The following UPB1 variants were observed in gnomAD, a reference collection of about 807,000 sequenced individuals.
UPB1 encodes beta-ureidopropionase 1, also known as beta-ureidopropionase.
A neutral mutation model predicts 49.1 loss-of-function variants in UPB1; 40 were observed. The ratio of observed to expected loss-of-function variants is 0.81; its 90% CI spans 0.63 to 1.06. The LOEUF is 1.06. Among genes scored for constraint, UPB1 ranks in the 50% least tolerant of loss-of-function variants. The pLI is 0.00. For synonymous variants in UPB1, 207 were observed against 198.2 expected (o/e 1.04, Z -0.38); for missense variants, 499 against 505.9 (o/e 0.99, Z 0.13).
Position 24,520,269 on chromosome 22 carries a change from G to T in UPB1, c.792-118G>T, listed in dbSNP as rs2044364271. On this transcript the variant is annotated intron_variant, in intron 6 of 9. Transcript: ENST00000326010. ...CCCAGGAAAGCCTGCAGCCAGGCCA[G>T]GCTCTGTCCCCACCACTGGCCCAGG... The T allele has an allele frequency of 4.2e-6, 5 of 1,180,452 alleles. No homozygotes were observed. In the East Asian group the frequency reaches 1.3e-4, roughly 30 times the overall value. The allele number at this position is 1,180,452 out of a possible 1,614,324, so 73.1% of individuals were successfully genotyped here.
intron 4 of UPB1, among the ~76,000 whole-genome samples, chr22:24,511,630 T>C (rs902919904): frequency 2.7e-5 from 4 of 148,914 alleles, no homozygotes; most frequent in African/African-American, 9.8e-5. Context: ...TTTTTTTTTT[T>C]TGAGATGGAG....
At chr22:24,498,430 G>A (rs1040148597) in intron 1 of UPB1, among the ~76,000 whole-genome samples, 4 of 152,172 alleles carry the variant, frequency 2.6e-5, no homozygotes, top group East Asian at 1.9e-4. Context: ...GTAATGCACC[G>A]CCTTTGATAA....
At chr22:24,511,631 T>TTTTTTA (rs61610771) in intron 4 of UPB1, among the ~76,000 whole-genome samples, 2 of 148,558 alleles carry the variant, frequency 1.3e-5, no homozygotes, top group Non-Finnish European at 3.0e-5. Flanking sequence ...TTTTTTTTTT[T>TTTTTTA]GAGATGGAGT....
At chr22:24,497,177 TGAA>T (rs1199739444) in intron 1 of UPB1, among the ~76,000 whole-genome samples, 2 of 152,068 alleles carry the variant, frequency 1.3e-5, no homozygotes, top group African/African-American at 2.4e-5. Context: ...AAAGGCAAGT[TGAA>T]GAACAGAAAA....
At chr22:24,506,248 T>C (rs2044089110) in intron 3 of UPB1, among the ~76,000 whole-genome samples, 1 of 152,104 alleles carries the variant, frequency 6.6e-6, no homozygotes, top group Non-Finnish European at 1.5e-5. Context: ...CTCGAATTCC[T>C]GACCTCAGGT....
intron 9 of UPB1, among the ~76,000 whole-genome samples, chr22:24,524,031 T>C (rs1335770826): frequency 5.3e-5 from 8 of 152,246 alleles, no homozygotes; most frequent in Non-Finnish European, 1.2e-4. Flanking sequence ...TTCAGACAAA[T>C]TAATCTCAAT....
chr22:24,505,898 A>G (rs147068823), intron 3 of UPB1, among the ~76,000 whole-genome samples: 2,341 of 151,234 alleles, frequency 0.015, 58 homozygotes, highest in African/African-American at 0.054. Flanking sequence ...TTTTTAGTAG[A>G]GATGGGGTTT....
intron 6 of UPB1, chr22:24,520,022 T>C (rs567980159): frequency 2.9e-6 from 1 of 346,336 alleles, no homozygotes; most frequent in Non-Finnish European, 5.6e-6. Context: ...TCAGTCTTCA[T>C]AGTCTTCTTT....
At chr22:24,513,931 G>A (rs1163697263) in intron 5 of UPB1, among the ~76,000 whole-genome samples, 1 of 152,124 alleles carries the variant, frequency 6.6e-6, no homozygotes, top group Non-Finnish European at 1.5e-5. Flanking sequence ...GGGGTCTGAG[G>A]TGGCCCATGT....
In UPB1 at chr22:24,510,793, G is replaced by T; in HGVS notation, c.409G>T (p.Glu137Ter). 3 of 1,614,214 alleles carry T rather than the reference G, an allele frequency of 1.9e-6. No individual in the cohort carries two copies. Among genetic ancestry groups the T allele is most frequent in the Non-Finnish European group, 2.5e-6 (3 of 1,180,030 alleles). ...FCTREKLPWT[E>*]FAESAEDGPT... ...TACGAGAGAGAAGCTTCCTTGGACAGAATTTGCTGAGTCAGCAGAGGATGG... is the reference window on the plus strand; with the variant it reads ...TACGAGAGAGAAGCTTCCTTGGACATAATTTGCTGAGTCAGCAGAGGATGG... The change falls in exon 4 of 10, where the codon GAA becomes TAA. Residue 137 changes from glutamate to a stop codon, truncating the protein, a stop_gained. Transcript: ENST00000326010. LOFTEE classifies it high-confidence loss of function.
intron 1 of UPB1, 67 bp downstream of exon 1, chr22:24,495,574 C>T: frequency 6.4e-7 from 1 of 1,559,568 alleles, no homozygotes; most frequent in Non-Finnish European, 8.8e-7. Context: ...GGGGAGCAGG[C>T]AGGGAGGGCC....
rs764846557 is a variant in UPB1 at position 24,495,361 on chromosome 22, C to T, written c.-43C>T. 15 of 1,604,082 alleles carry T rather than the reference C, an allele frequency of 9.4e-6. No homozygotes were observed. The highest frequency in any genetic ancestry group is 6.7e-5 in the African/African-American group (5 of 74,834). ...ACCTCCTCCCACTGCGGGCAAAGGG[C>T]AGGCAGTTCGTGCGCGGACACAAGC... On this transcript the variant is annotated 5_prime_UTR_variant, in exon 1 of 10. Transcript: ENST00000326010.
chr22:24,499,165 C>T (rs371831915), intron 1 of UPB1, among the ~76,000 whole-genome samples: 6 of 152,146 alleles, frequency 3.9e-5, no homozygotes, highest in South Asian at 2.1e-4. Flanking sequence ...TGGCAGGGGG[C>T]GGCGACAGGG....
Position 24,519,965 on chromosome 22 carries a change from G to A in UPB1, c.792-422G>A, listed in dbSNP as rs115665789. On this transcript the variant is annotated intron_variant, in intron 6 of 9. Coordinates refer to ENST00000326010, the MANE Select transcript of UPB1 (RefSeq NM_016327.3). Reference sequence around the variant, plus strand: ...AGGAGAAGGGATGGAGGTGGGAAGTGGTGGTTATGGAACTCCTACCACTTG... The same window carrying A: ...AGGAGAAGGGATGGAGGTGGGAAGTAGTGGTTATGGAACTCCTACCACTTG... The A allele has an allele frequency of 5.6e-3, 1,602 of 284,196 alleles. 31 individuals carry two copies. Among genetic ancestry groups the A allele is most frequent in the African/African-American group, 0.033 (1,482 of 45,440 alleles). 17.6% of individuals were successfully genotyped at this position (284,196 alleles called of 1,614,324 possible). A position where few individuals can be genotyped will look rare whatever the true frequency, so the allele number is the denominator to read the frequency against.
chr22:24,511,979 T>C (rs1488547836), intron 4 of UPB1, among the ~76,000 whole-genome samples: 1 of 152,204 alleles, frequency 6.6e-6, no homozygotes, highest in African/African-American at 2.4e-5. Flanking sequence ...CATTTATCCT[T>C]ATTTTCACCT....
Position 24,500,788 on chromosome 22 carries a change from G to A in UPB1, c.276+510G>A, listed in dbSNP as rs62231891. Among the ~76,000 whole-genome samples the A allele has an allele frequency of 5.5e-3, 837 of 152,328 alleles. 2 individuals carry two copies. The highest frequency in any genetic ancestry group is 0.018 in the South Asian group (86 of 4,822). ...TCAGAGTTAGTAAATAAAGGTGACA[G>A]CATCTTGTATCTCCCTAAAGAAACA... On this transcript the variant is annotated intron_variant, in intron 2 of 9. Transcript: ENST00000326010.
At chr22:24,523,939 G>A (rs972963219) in intron 9 of UPB1, among the ~76,000 whole-genome samples, 166 bp downstream of exon 9, 6 of 152,228 alleles carry the variant, frequency 3.9e-5, no homozygotes, top group Admixed American at 6.5e-5. Flanking sequence ...GCTGGCTCCC[G>A]GGAGGAACAG....
In UPB1 at chr22:24,500,115, A is replaced by C. The variant is rs1242009587; in HGVS notation, c.113A>C (p.Asp38Ala). The change falls in exon 2 of 10, where the codon GAT becomes GCT. Residue 38 changes from aspartate to alanine, a missense_variant. Asp to Ala is a moderately radical substitution (Grantham distance 126). Transcript: ENST00000326010. ...VLYGKELRKL[D>A]LPREAFEAAS... ...TTTTCCTGCCCATCTAGGAAGCTTG[A>C]TCTGCCCAGGGAAGCTTTCGAAGCT... is the stretch of plus-strand genomic sequence containing the variant. The C allele has an allele frequency of 1.2e-6, 2 of 1,614,156 alleles. No homozygotes were observed. The highest frequency in any genetic ancestry group is 1.7e-6 in the Non-Finnish European group (2 of 1,180,028).
rs551847088 is a variant in UPB1, at chr22:24,522,117, C to A, written c.916+89C>A. On this transcript the variant is annotated intron_variant, in intron 8 of 9. Coordinates refer to ENST00000326010, the MANE Select transcript of UPB1 (RefSeq NM_016327.3). ...TGCTTCCTCCAGTCAGGATCTGCCA[C>A]ACAGATCACATCTGCATGCCTGGCA... is the stretch of plus-strand genomic sequence containing the variant. 1.1e-4 allele frequency: 164 copies of A among 1,453,534 alleles called. No homozygotes were observed. In the African/African-American group the frequency reaches 2.1e-3, roughly 19 times the overall value. The allele number at this position is 1,453,534 out of a possible 1,614,324, so 90.0% of individuals were successfully genotyped here.
Sources: gnomAD v4.1 joint callset for allele counts (sites outside exome capture counted in the v4.1 genomes callset) on GRCh38, gnomAD v4.1.1 for gene constraint, MANE v1.5 for transcripts, NCBI Gene and HGNC (gene_info 2026-07-23, HGNC 2026-07-21) for gene names.